Variants in KIF21B observed in about 807,000 individuals in gnomAD.
The protein encoded by KIF21B is kinesin-like protein KIF21B.
In KIF21B, 85 loss-of-function variants were observed where a neutral mutation model predicts 192.9. The ratio of observed to expected loss-of-function variants is 0.44; its 90% CI spans 0.37 to 0.53. The LOEUF (loss-of-function observed/expected upper bound fraction) is 0.53, where lower values mean the gene tolerates loss of function less well. KIF21B is among the 20% of genes least tolerant of loss of function. KIF21B has a pLI of 0.00. For synonymous variants in KIF21B, 832 were observed against 884.6 expected, an observed-to-expected ratio of 0.94 and a Z score of 1.05; for missense variants, 1,716 against 2,194.8, an observed-to-expected ratio of 0.78 and a Z score of 4.36.
intron 1 of KIF21B, among the ~76,000 whole-genome samples, chr1:201,013,939 A>C (rs1024033361): frequency 6.6e-6 from 1 of 151,984 alleles, no homozygotes; most frequent in African/African-American, 2.4e-5. Context: ...CCACCCCTCC[A>C]ATCTTCCGTC....
At chr1:201,009,202 C>T in intron 2 of KIF21B, 64 bp downstream of exon 2, 1 of 1,458,022 alleles carries the variant, frequency 6.9e-7, no homozygotes, top group Non-Finnish European at 9.5e-7. Context: ...GTGGAGCTTT[C>T]TCTCCATTGG....
At chr1:200,993,233 G>T (rs1485784042) in intron 15 of KIF21B, among the ~76,000 whole-genome samples, 1 of 152,248 alleles carries the variant, frequency 6.6e-6, no homozygotes, top group Non-Finnish European at 1.5e-5. Context: ...CTGGTGCCCA[G>T]AACATAGAAG....
rs150040803 is a variant in KIF21B at position 200,992,349 on chromosome 1, C to T, written c.2318G>A (p.Arg773Gln). Residue 773 changes from arginine (R) to glutamine (Q), a missense_variant, in exon 16 of 35, where the codon CGG becomes CAG. Arg to Gln is a conservative substitution (Grantham distance 43, BLOSUM62 1). Around this residue, in one of 3 missense-constraint regions of KIF21B, gnomAD observed 1,087 missense variants for 1,316.6 expected, o/e 0.83. Transcript: ENST00000461742. ...MKQMREEQQR[R>Q]RLVETKRNRE... ...GTTCCTCTTGGTCTCCACTAGCCGCCGCCGCTGTTGCTCCTCACGCATCTG... is the reference window on the plus strand; with the variant it reads ...GTTCCTCTTGGTCTCCACTAGCCGCTGCCGCTGTTGCTCCTCACGCATCTG... The T allele has an allele frequency of 2.5e-5, 41 of 1,613,304 alleles. 1 individual carries two copies. The Middle Eastern group carries it at 5.0e-4, about 19-fold the overall frequency.
At chr1:200,984,658 C>T (rs1296210018) in intron 27 of KIF21B, among the ~76,000 whole-genome samples, 4 of 152,192 alleles carry the variant, frequency 2.6e-5, no homozygotes, top group South Asian at 4.1e-4. Flanking sequence ...CTGGCATTCT[C>T]AGGGGAGGAG....
Position 201,023,274 on chromosome 1 carries a change from G to T in KIF21B, c.41+69C>A. The T allele has an allele frequency of 7.5e-7, 1 of 1,339,252 alleles. No homozygotes were observed. The allele number at this position is 1,339,252 out of a possible 1,614,324, so 83.0% of individuals were successfully genotyped here. On this transcript the variant is annotated intron_variant, in intron 1 of 34. Transcript: ENST00000461742. This position sits in a 1 kb window ranked among gnomAD's most constrained non-coding sequence, Gnocchi z 5.9. ...AGCCCAAGCGGTGCTCGCGCCCCCCGCCCAAAGCCCACGCGAGACAAAGCC... is the reference window on the plus strand; with the variant it reads ...AGCCCAAGCGGTGCTCGCGCCCCCCTCCCAAAGCCCACGCGAGACAAAGCC...
chr1:200,977,430 G>A, intron 30 of KIF21B, 54 bp from the exon 31 acceptor site: 2 of 1,569,074 alleles, frequency 1.3e-6, no homozygotes, highest in Non-Finnish European at 8.7e-7. Context: ...TGTGCACAGT[G>A]CAGGAAACCA....
At chr1:201,007,907 A>G (rs975127249) in intron 3 of KIF21B, among the ~76,000 whole-genome samples, 6 of 152,328 alleles carry the variant, frequency 3.9e-5, no homozygotes, top group Admixed American at 1.3e-4. Flanking sequence ...CAGTCCATTT[A>G]TCAGAAGCGA....
At position 201,000,801 on chromosome 1, in the gene KIF21B, G is replaced by A; in HGVS notation, c.1403-21C>T. 1 of 1,613,932 alleles carries A rather than the reference G, an allele frequency of 6.2e-7. No individual in the cohort carries two copies. The highest frequency in any genetic ancestry group is 8.5e-7 in the Non-Finnish European group (1 of 1,179,806). On this transcript the variant is annotated intron_variant, in intron 9 of 34. Coordinates refer to ENST00000461742, the MANE Select transcript of KIF21B (RefSeq NM_001252102.2). The surrounding 1 kb of genome is among the most constrained non-coding windows in gnomAD (Gnocchi z 6.0). ...ATCGCCTGGAGTGGGACGGCGGGAA[G>A]AAGGGTGCGATAAAGAAGATAAATA...
At chr1:201,001,160 G>A (rs1048257562) in intron 9 of KIF21B, among the ~76,000 whole-genome samples, 3 of 151,168 alleles carry the variant, frequency 2.0e-5, no homozygotes, top group African/African-American at 7.3e-5. Context: ...CAACACCACT[G>A]ATACTACTGC....
intron 30 of KIF21B, 33 bp from the exon 31 acceptor site, chr1:200,977,409 A>T (rs1655631435): frequency 1.2e-6 from 2 of 1,608,842 alleles, no homozygotes; most frequent in African/African-American, 1.3e-5. Context: ...GCCAGAGGTC[A>T]AAACAATCCA....
chr1:201,008,847 G>T lies in KIF21B; in HGVS notation c.369C>A (p.Gly123=). ...GTGCCCGGCGCTTGCGCTCGGCAAT[G>T]CCCCCAAAGAGGTGTGCGATGGCCC... ...IPRAIAHLFG[G]IAERKRRAQE... The change falls in exon 3 of 35, where the codon GGC becomes GGA. Residue 123 remains glycine, a synonymous_variant. Transcript: ENST00000461742. The T allele has an allele frequency of 1.2e-6, 2 of 1,610,012 alleles. No homozygotes were observed.
chr1:201,003,837 C>T (rs1657645963), intron 7 of KIF21B, 56 bp from the exon 8 acceptor site: 5 of 1,577,522 alleles, frequency 3.2e-6, no homozygotes, highest in Non-Finnish European at 4.4e-6. Flanking sequence ...CCCCCAGAAG[C>T]ATTGCCTCAG....
chr1:201,019,560 C>T (rs1658703084), intron 1 of KIF21B, among the ~76,000 whole-genome samples: 2 of 152,196 alleles, frequency 1.3e-5, no homozygotes, highest in African/African-American at 4.8e-5. Flanking sequence ...TGGGCCCCGC[C>T]TCACCTCCAC....
At position 201,023,446 on chromosome 1, in the gene KIF21B, G is replaced by C; in HGVS notation, c.-63C>G. On this transcript the variant is annotated 5_prime_UTR_variant, in exon 1 of 35. Transcript: ENST00000461742. The surrounding 1 kb of genome is among the most constrained non-coding windows in gnomAD (Gnocchi z 5.9). ...CGGGGGTCTGGGGGCCAATGCCCGA[G>C]GCAGCGGCTGCGGCTGCGGGAGGCG... The C allele has an allele frequency of 8.0e-7, 1 of 1,242,382 alleles. No homozygotes were observed. The highest frequency in any genetic ancestry group is 1.0e-6 in the Non-Finnish European group (1 of 967,860). 77.0% of individuals were successfully genotyped at this position (1,242,382 alleles called of 1,614,324 possible). A position where few individuals can be genotyped will look rare whatever the true frequency, so the allele number is the denominator to read the frequency against.
intron 9 of KIF21B, 98 bp downstream of exon 9, chr1:201,002,063 C>A (rs1657527394): frequency 1.9e-6 from 2 of 1,051,938 alleles, no homozygotes; most frequent in African/African-American, 3.2e-5. Context: ...TATGAATTGA[C>A]TGGCTGGCTT....
chr1:201,009,344 C>A lies in KIF21B; in HGVS notation c.186G>T (p.Gln62His). Residue 62 changes from glutamine to histidine, a missense_variant, in exon 2 of 35, where the codon CAG (glutamine) becomes CAT (histidine). Coordinates refer to ENST00000461742, the MANE Select transcript of KIF21B (RefSeq NM_001252102.2). ...FVFDLDTWQE[Q>H]IYSTCVSKLI... Reference sequence around the variant, plus strand: ...GCTTGCTCACACAGGTGGAATAGATCTGTTCTTGCCAGGTGTCCAGGTCGA... The same window carrying A: ...GCTTGCTCACACAGGTGGAATAGATATGTTCTTGCCAGGTGTCCAGGTCGA... The A allele has an allele frequency of 6.2e-7, 1 of 1,614,292 alleles. No homozygotes were observed. The highest frequency in any genetic ancestry group is 1.1e-5 in the South Asian group (1 of 91,092).
chr1:200,988,658 G>C (rs1296956619), intron 22 of KIF21B, 108 bp downstream of exon 22: 5 of 1,486,112 alleles, frequency 3.4e-6, no homozygotes, highest in Non-Finnish European at 4.6e-6. Context: ...CAGGGCTCCT[G>C]GTGGGGGTTA....
In KIF21B at chr1:201,022,407, C is replaced by T. The variant is rs117599611; in HGVS notation, c.41+936G>A. 1.8e-4 allele frequency among the ~76,000 whole-genome samples: 28 copies of T among 152,286 alleles called. No individual in the cohort carries two copies. The East Asian group carries it at 4.2e-3, about 23-fold the overall frequency. On this transcript the variant is annotated intron_variant, in intron 1 of 34. Coordinates refer to ENST00000461742, the MANE Select transcript of KIF21B (RefSeq NM_001252102.2). ...GAGCAGCTCCAGATTGGCACTCTGCCGCCAAGACACCCCTCTCAAAGAGAA... is the reference window on the plus strand; with the variant it reads ...GAGCAGCTCCAGATTGGCACTCTGCTGCCAAGACACCCCTCTCAAAGAGAA...
chr1:200,996,889 T>C (rs1657103579), intron 14 of KIF21B, among the ~76,000 whole-genome samples: 1 of 152,166 alleles, frequency 6.6e-6, no homozygotes, highest in Non-Finnish European at 1.5e-5. Flanking sequence ...TCCTCATTTC[T>C]ACCCCTCTCC....
Sources: allele counts gnomAD v4.1 joint callset (sites outside exome capture counted in the v4.1 genomes callset), GRCh38; gene constraint gnomAD v4.1.1; regional missense constraint gnomAD v4.1.1; non-coding constraint Gnocchi (gnomAD v3.1); transcripts MANE v1.5; gene names NCBI Gene and HGNC (gene_info 2026-07-23, HGNC 2026-07-21).